Variants in DOT1L observed in about 807,000 individuals in gnomAD.
The protein encoded by DOT1L is histone-lysine N-methyltransferase, H3 lysine-79 specific.
Under a neutral mutation model 153.3 loss-of-function variants are expected in DOT1L, and 33 were observed. That is an observed-to-expected ratio of 0.22 (90% confidence interval 0.16 to 0.29). The LOEUF is 0.29. Among genes scored for constraint, DOT1L ranks in the 10% least tolerant of loss-of-function variants. The probability of loss-of-function intolerance (pLI) is 1.00; values close to 1 mark genes in which losing one functional copy is unlikely to be tolerated. For synonymous variants in DOT1L, 1,135 were observed against 965.1 expected (o/e 1.18, Z -3.26); for missense variants, 1,847 against 2,119.9 (o/e 0.87, Z 2.53).
chr19:2,217,931 C>T lies in DOT1L; in HGVS notation c.2691+13C>T. 2.5e-6 allele frequency: 4 copies of T among 1,609,250 alleles called. No individual in the cohort carries two copies. Among genetic ancestry groups the T allele is most frequent in the African/African-American group, 1.3e-5 (1 of 75,034 alleles). ...CGCCGAGAGGGCGGTGAGTGGCTCC[C>T]AGGTGGCTGTCCCCAAGGGCCACGT... On this transcript the variant is annotated intron_variant, in intron 22 of 27. Transcript: ENST00000398665. The surrounding 1 kb of genome is among the most constrained non-coding windows in gnomAD (Gnocchi z 7.3).
chr19:2,180,164 G>GT (rs1184459972), intron 1 of DOT1L, among the ~76,000 whole-genome samples: 2 of 152,162 alleles, frequency 1.3e-5, no homozygotes, highest in African/African-American at 2.4e-5. Flanking sequence ...TAGCCCAGTG[G>GT]TTTTTTTCCC....
At chr19:2,176,963 T>A (rs1003697932) in intron 1 of DOT1L, among the ~76,000 whole-genome samples, 3 of 152,102 alleles carry the variant, frequency 2.0e-5, no homozygotes, top group Non-Finnish European at 4.4e-5. Flanking sequence ...GACCCCGATA[T>A]GAGGGAGCAG....
At chr19:2,167,551 C>T (rs1415837611) in intron 1 of DOT1L, among the ~76,000 whole-genome samples, 1 of 152,192 alleles carries the variant, frequency 6.6e-6, no homozygotes, top group Non-Finnish European at 1.5e-5. Context: ...CTGGTCCTGG[C>T]GCCGTCTACG....
At chr19:2,186,411 C>T (rs2022509188) in intron 3 of DOT1L, among the ~76,000 whole-genome samples, 1 of 152,182 alleles carries the variant, frequency 6.6e-6, no homozygotes, top group East Asian at 1.9e-4. Flanking sequence ...TGGAGAGGGG[C>T]AGGGCTGTCT....
Position 2,213,895 on chromosome 19 carries a change from A to G in DOT1L, c.1706A>G (p.Lys569Arg). The change falls in exon 18 of 28, where the codon AAG becomes AGG. Residue 569 changes from lysine to arginine, a missense_variant. Transcript: ENST00000398665. ...TACAACGACCTGATTCAAGCGCAGA[A>G]GGAGATCTCCGCCCATAACCAGCAG... Reference protein sequence around the residue: ...LTYNDLIQAQKEISAHNQQLR... With the variant: ...LTYNDLIQAQREISAHNQQLR... 6.2e-7 allele frequency: 1 copy of G among 1,613,128 alleles called. No homozygotes were observed. The highest frequency in any genetic ancestry group is 8.5e-7 in the Non-Finnish European group (1 of 1,180,044).
chr19:2,185,750 C>G (rs2022470699), intron 2 of DOT1L, 105 bp from the exon 3 acceptor site: 1 of 1,246,648 alleles, frequency 8.0e-7, no homozygotes, highest in Non-Finnish European at 1.2e-6. Context: ...GCCTGGGCAA[C>G]AGAGTGAGAC....
Position 2,226,287 on chromosome 19 carries a change from TCGG to T in DOT1L, c.3770_3772del (p.Ala1257del), listed in dbSNP as rs780073381. On this transcript the variant is annotated inframe_deletion, in exon 27 of 28. Coordinates refer to ENST00000398665, the MANE Select transcript of DOT1L (RefSeq NM_032482.3). Reference sequence around the variant, plus strand: ...CATCTCCGACATCGGCCTGGCCAAGTCGGCGGACAGCCCGCTGCAGGCCAGCTC... The same window carrying T: ...CATCTCCGACATCGGCCTGGCCAAGTCGGACAGCCCGCTGCAGGCCAGCTC... 5.0e-6 allele frequency: 8 copies of T among 1,597,512 alleles called. No homozygotes were observed. The Admixed American group carries it at 1.4e-4, about 27-fold the overall frequency.
At position 2,210,831 on chromosome 19, in the gene DOT1L, C is replaced by G. The variant is rs751935862; in HGVS notation, c.1327C>G (p.Gln443Glu). The G allele has an allele frequency of 2.2e-5, 35 of 1,612,616 alleles. No individual in the cohort carries two copies. Among genetic ancestry groups the G allele is most frequent in the Non-Finnish European group, 3.0e-5 (35 of 1,179,958 alleles). Residue 443 changes from glutamine (Q) to glutamate (E), a missense_variant, in exon 14 of 28, where the codon CAG becomes GAG. Physicochemically the swap from Gln to Glu is conservative, Grantham distance 29. Transcript: ENST00000398665. ...TGCCCTGCACGCTCAGACCGTGTCT[C>G]AGACGGCGGCCTCCTCACCCCAGGG... is the stretch of plus-strand genomic sequence containing the variant. Reference protein sequence around the residue: ...LDALHAQTVSQTAASSPQDAY... With the variant: ...LDALHAQTVSETAASSPQDAY...
At chr19:2,167,448 G>A (rs949702241) in intron 1 of DOT1L, among the ~76,000 whole-genome samples, 1 of 152,196 alleles carries the variant, frequency 6.6e-6, no homozygotes, top group Non-Finnish European at 1.5e-5. Flanking sequence ...TAAATAGTAA[G>A]GGCGAGAGCT....
chr19:2,211,723 C>T, intron 15 of DOT1L, 28 bp from the exon 16 acceptor site: 4 of 1,540,994 alleles, frequency 2.6e-6, no homozygotes, highest in Non-Finnish European at 3.5e-6. Context: ...CTGCTCTCTT[C>T]TCACCTGTGT....
intron 26 of DOT1L, 21 bp from the exon 27 acceptor site, chr19:2,226,162 T>C (rs1006101508): frequency 1.3e-6 from 2 of 1,507,534 alleles, no homozygotes; most frequent in Non-Finnish European, 1.8e-6. Context: ...GCTCACGGCT[T>C]CTGCCTTTCC....
At chr19:2,219,433 A>G (rs185599264) in intron 22 of DOT1L, among the ~76,000 whole-genome samples, 2 of 152,150 alleles carry the variant, frequency 1.3e-5, no homozygotes, top group Non-Finnish European at 2.9e-5. Context: ...GAACACGCTC[A>G]TGTCTGGGCC....
At chr19:2,212,233 G>T (rs2023740281) in intron 16 of DOT1L, 1 of 160,592 alleles carries the variant, frequency 6.2e-6, no homozygotes. Context: ...TGTGATCTCG[G>T]CTCACTGCAA....
intron 2 of DOT1L, 99 bp from the exon 3 acceptor site, chr19:2,185,756 G>T: frequency 7.5e-7 from 1 of 1,330,556 alleles, no homozygotes; most frequent in East Asian, 2.3e-5. Flanking sequence ...GCAACAGAGT[G>T]AGACTCCGTC....
At position 2,216,543 on chromosome 19, in the gene DOT1L, C is replaced by T. The variant is rs765776020; in HGVS notation, c.2186C>T (p.Pro729Leu). The T allele has an allele frequency of 1.2e-6, 2 of 1,611,102 alleles. No individual in the cohort carries two copies. Among genetic ancestry groups the T allele is most frequent in the Non-Finnish European group, 1.7e-6 (2 of 1,179,790 alleles). Residue 729 changes from proline (P) to leucine (L), a missense_variant, in exon 20 of 28, where the codon CCT becomes CTT. This residue lies in a region of DOT1L where 281 missense variants were observed against 263.6 expected (regional missense o/e 1.07). Transcript: ENST00000398665. ...GAGCTCTGCGGTGTGCTGAGCCGGCCTTCGTCGAAGCAGAACACGCCCCAG... is the reference window on the plus strand; with the variant it reads ...GAGCTCTGCGGTGTGCTGAGCCGGCTTTCGTCGAAGCAGAACACGCCCCAG... ...GYELCGVLSR[P>L]SSKQNTPQYL...
chr19:2,215,220 T>G (rs2023853161), intron 19 of DOT1L, among the ~76,000 whole-genome samples: 1 of 152,130 alleles, frequency 6.6e-6, no homozygotes, highest in Admixed American at 6.5e-5. Context: ...AAGCTGAGAT[T>G]GCACCACTGC....
intron 23 of DOT1L, chr19:2,221,685 C>T (rs543702017): frequency 3.7e-5 from 17 of 457,552 alleles, no homozygotes; most frequent in Admixed American, 7.5e-5. Flanking sequence ...CCTAGCTCAG[C>T]GGGGAGCCCG....
chr19:2,175,797 CT>C (rs1195353568), intron 1 of DOT1L, among the ~76,000 whole-genome samples: 1 of 152,074 alleles, frequency 6.6e-6, no homozygotes, highest in Non-Finnish European at 1.5e-5. Context: ...GCCATTGAAC[CT>C]GGGAGGTAGA....
chr19:2,215,297 G>A (rs1289770515), intron 19 of DOT1L, among the ~76,000 whole-genome samples: 1 of 152,216 alleles, frequency 6.6e-6, no homozygotes, highest in African/African-American at 2.4e-5. Context: ...TTCTGACACC[G>A]AGAAACGCAT....
Sources: gnomAD v4.1 joint callset for allele counts (sites outside exome capture counted in the v4.1 genomes callset) on GRCh38, gnomAD v4.1.1 for gene constraint, gnomAD v4.1.1 regional missense constraint, Gnocchi (gnomAD v3.1) non-coding constraint, MANE v1.5 for transcripts, NCBI Gene and HGNC (gene_info 2026-07-23, HGNC 2026-07-21) for gene names.